The following PACRG variants were observed in gnomAD, a reference collection of about 807,000 sequenced individuals.
PACRG encodes parkin coregulated gene protein.
Under a neutral mutation model 29.7 loss-of-function variants are expected in PACRG, and 29 were observed. That is an observed-to-expected ratio of 0.98 (90% CI 0.73 to 1.33). PACRG has a LOEUF of 1.33. Among genes scored for constraint, PACRG ranks in the 40% most tolerant of loss-of-function variants. The pLI, the probability that PACRG is intolerant of heterozygous loss-of-function variation, is 0.00. For synonymous variants in PACRG, 116 were observed against 118.7 expected (o/e 0.98, Z 0.15); for missense variants, 279 against 316.2 (o/e 0.88, Z 0.89).
chr6:163,179,224 C>G, intron 4 of PACRG: 1 of 455,886 alleles, frequency 2.2e-6, no homozygotes, highest in Non-Finnish European at 4.4e-6. Flanking sequence ...AGGCTGGGCT[C>G]CTCCGTAGGT....
At chr6:162,856,701 T>C (rs901468154) in intron 2 of PACRG, among the ~76,000 whole-genome samples, 1 of 152,222 alleles carries the variant, frequency 6.6e-6, no homozygotes, top group African/African-American at 2.4e-5. Context: ...AAATAAGTAG[T>C]TGATTTTGCT....
At chr6:163,124,633 C>G (rs1816441164) in intron 4 of PACRG, among the ~76,000 whole-genome samples, 1 of 152,122 alleles carries the variant, frequency 6.6e-6, no homozygotes, top group South Asian at 2.1e-4. Context: ...TCCAGCATTT[C>G]CCCAGGAATG....
chr6:162,823,497 CAG>C (rs1229471597), intron 2 of PACRG, among the ~76,000 whole-genome samples: 1 of 150,988 alleles, frequency 6.6e-6, no homozygotes, highest in Non-Finnish European at 1.5e-5. Flanking sequence ...TAACTTCTGG[CAG>C]AGCTTTCTTT....
chr6:163,194,004 T>C (rs1780338583), intron 4 of PACRG, among the ~76,000 whole-genome samples: 1 of 151,696 alleles, frequency 6.6e-6, no homozygotes, highest in Non-Finnish European at 1.5e-5. Context: ...GCGATTCTCC[T>C]GCCTCAGCCT....
At chr6:163,121,157 C>T (rs1816247952) in intron 4 of PACRG, among the ~76,000 whole-genome samples, 3 of 152,074 alleles carry the variant, frequency 2.0e-5, no homozygotes, top group African/African-American at 2.4e-5. Flanking sequence ...ACATATTTAA[C>T]CTCATCAAAC....
chr6:163,124,796 A>G (rs755399265), intron 4 of PACRG, among the ~76,000 whole-genome samples: 7 of 152,218 alleles, frequency 4.6e-5, no homozygotes, highest in Non-Finnish European at 7.3e-5. Flanking sequence ...GCATTGCCCC[A>G]TGTAGGCTCT....
rs954356108 is a variant in PACRG at position 163,179,643 on chromosome 6, G to T, written c.613+90235G>T. On this transcript the variant is annotated intron_variant, in intron 4 of 4. Coordinates refer to ENST00000366888, the MANE Select transcript of PACRG (RefSeq NM_001080379.2). ...ATCAGATATCTGAGCCTGGCAGTTT[G>T]ATGCTGCAGTGAGCCAGATTGTGCC... Among the ~76,000 whole-genome samples, 4 of 151,282 alleles carry T rather than the reference G, an allele frequency of 2.6e-5. No individual in the cohort carries two copies. In the South Asian group the frequency reaches 8.3e-4, roughly 32 times the overall value.
chr6:162,790,452 G>A (rs1438823068), intron 1 of PACRG, among the ~76,000 whole-genome samples: 1 of 151,980 alleles, frequency 6.6e-6, no homozygotes, highest in Non-Finnish European at 1.5e-5. Flanking sequence ...CCCTTCTGTA[G>A]TCCAATTTTA....
chr6:162,796,257 A>G (rs966408242), intron 1 of PACRG, among the ~76,000 whole-genome samples: 1 of 151,816 alleles, frequency 6.6e-6, no homozygotes, highest in East Asian at 1.9e-4. Context: ...TTCATTTTCA[A>G]TCTCTCTGGG....
chr6:163,078,766 C>G (rs1812793521), intron 3 of PACRG, among the ~76,000 whole-genome samples: 1 of 152,114 alleles, frequency 6.6e-6, no homozygotes, highest in East Asian at 1.9e-4. Context: ...CAGTGCCTCC[C>G]CTTGCTCTTC....
At chr6:162,776,130 A>AT (rs1465582314) in intron 1 of PACRG, among the ~76,000 whole-genome samples, 2 of 152,182 alleles carry the variant, frequency 1.3e-5, no homozygotes, top group Non-Finnish European at 2.9e-5. Context: ...CATCTTTGCA[A>AT]TATTTTTCTC....
chr6:163,311,988 C>T (rs6455894), intron 4 of PACRG, among the ~76,000 whole-genome samples: 1 of 152,016 alleles, frequency 6.6e-6, no homozygotes, highest in Non-Finnish European at 1.5e-5. Context: ...CCTTCTGACT[C>T]ATATGCCGAC....
chr6:163,241,445 C>T (rs1046924718), intron 4 of PACRG, among the ~76,000 whole-genome samples: 4 of 152,210 alleles, frequency 2.6e-5, no homozygotes, highest in African/African-American at 9.6e-5. Context: ...GCAGCCCTTC[C>T]GTGATCATCT....
intron 2 of PACRG, among the ~76,000 whole-genome samples, chr6:162,939,958 A>G (rs1798500740): frequency 6.6e-6 from 1 of 152,220 alleles, no homozygotes; most frequent in Non-Finnish European, 1.5e-5. Flanking sequence ...AATCAAACCC[A>G]GAATGTCAAA....
intron 4 of PACRG, among the ~76,000 whole-genome samples, chr6:163,143,863 G>A (rs1164337130): frequency 3.3e-5 from 5 of 152,108 alleles, no homozygotes; most frequent in East Asian, 3.9e-4. Context: ...CCAAGAGGTC[G>A]GTGTGGGAAC....
intron 4 of PACRG, chr6:163,165,420 T>G (rs1262079759): frequency 6.6e-6 from 1 of 152,100 alleles, no homozygotes; most frequent in East Asian, 1.9e-4. Flanking sequence ...GCACCAAATC[T>G]CAGTGAGGAA....
intron 4 of PACRG, among the ~76,000 whole-genome samples, chr6:163,206,816 C>G (rs1003238411): frequency 1.2e-4 from 19 of 152,182 alleles, no homozygotes; most frequent in Non-Finnish European, 1.0e-4. Context: ...CAAGTAATCT[C>G]AAATCCAGAT....
chr6:163,283,610 C>G (rs1358908963), intron 4 of PACRG, among the ~76,000 whole-genome samples: 4 of 148,762 alleles, frequency 2.7e-5, no homozygotes, highest in African/African-American at 1.0e-4. Context: ...ACCATCCTGG[C>G]TAACAAGGTG....
chr6:163,270,004 AAAGG>A lies in PACRG; in HGVS notation c.614-44821_614-44818del, dbSNP rs1157997053. ...GAAAGAAAGAAAGAAAGAAAGAAAG[AAAGG>A]AGGGAGGGAGGGAGGGAGGAAGGAA... On this transcript the variant is annotated intron_variant, in intron 4 of 4. Transcript: ENST00000366888. Among the ~76,000 whole-genome samples the A allele has an allele frequency of 2.4e-3, 274 of 115,746 alleles. 57 individuals are homozygous for A. The highest frequency in any genetic ancestry group is 8.9e-3 in the African/African-American group (262 of 29,478). 75.9% of individuals were successfully genotyped at this position (115,746 alleles called of 152,430 possible).
Sources: allele counts gnomAD v4.1 joint callset (sites outside exome capture counted in the v4.1 genomes callset), GRCh38; gene constraint gnomAD v4.1.1; transcripts MANE v1.5; gene names NCBI Gene and HGNC (gene_info 2026-07-23, HGNC 2026-07-21).